JMJD1C: variants seen among roughly 807,000 people sequenced by gnomAD.
JMJD1C encodes the protein jumonji domain containing 1C.
JMJD1C carries 31 observed loss-of-function variants against 245.3 expected under a neutral mutation model. The ratio of observed to expected loss-of-function variants is 0.13; its 90% CI spans 0.09 to 0.17. The LOEUF is 0.17. JMJD1C is among the 10% of genes least tolerant of loss of function. JMJD1C has a pLI of 1.00. For missense variants in JMJD1C, 2,691 were observed against 3,000.2 expected (o/e 0.90, Z 2.41); for synonymous variants, 1,057 against 1,017.4 (o/e 1.04, Z -0.74).
intron 12 of JMJD1C, among the ~76,000 whole-genome samples, 157 bp downstream of exon 12, chr10:63,198,356 A>G (rs958913963): frequency 2.6e-5 from 4 of 152,262 alleles, no homozygotes; most frequent in Non-Finnish European, 5.9e-5. Context: ...TCTATAGGAA[A>G]GTATCTGTAA....
At chr10:63,386,370 C>G (rs929021933) in intron 1 of JMJD1C, among the ~76,000 whole-genome samples, 6 of 152,190 alleles carry the variant, frequency 3.9e-5, no homozygotes, top group Admixed American at 3.3e-4. Context: ...AGTAGCAGGG[C>G]TGCAACATGA....
chr10:63,191,156 G>C, intron 16 of JMJD1C, 48 bp from the exon 17 acceptor site: 10 of 1,459,182 alleles, frequency 6.9e-6, no homozygotes, highest in African/African-American at 1.4e-5. Flanking sequence ...TTTTGAGACG[G>C]AGTCTCATTC....
At chr10:63,516,831 T>G (rs181868831) in intron 1 of JMJD1C, among the ~76,000 whole-genome samples, 3 of 152,210 alleles carry the variant, frequency 2.0e-5, no homozygotes, top group Non-Finnish European at 4.4e-5. Flanking sequence ...CCTAATCTTT[T>G]TATTCTATTG....
intron 3 of JMJD1C, chr10:63,222,612 C>A: frequency 6.3e-7 from 1 of 1,595,988 alleles, no homozygotes; most frequent in Middle Eastern, 2.3e-4. Context: ...TGTCGAAACT[C>A]ACATGCTGAA....
rs542561773 is a variant in JMJD1C at position 63,383,403 on chromosome 10, T to C, written c.169-2921A>G. ...AGAAGCCAACAAAACAGCTGGCTAT[T>C]TCTAATAAAACCCATCGTTAAGGGT... On this transcript the variant is annotated intron_variant, in intron 1 of 25. Transcript: ENST00000399262. Among the ~76,000 whole-genome samples, 503 of 152,170 alleles carry C rather than the reference T, an allele frequency of 3.3e-3. 5 individuals are homozygous for C. Among genetic ancestry groups the C allele is most frequent in the Non-Finnish European group, 5.7e-3 (389 of 67,972 alleles).
At chr10:63,224,134 C>T (rs1276789653) in intron 3 of JMJD1C, among the ~76,000 whole-genome samples, 1 of 152,086 alleles carries the variant, frequency 6.6e-6, no homozygotes, top group Non-Finnish European at 1.5e-5. Context: ...AACAATAAAC[C>T]ATTAATTATC....
At chr10:63,413,707 A>G (rs1386599141) in intron 1 of JMJD1C, among the ~76,000 whole-genome samples, 3 of 151,894 alleles carry the variant, frequency 2.0e-5, no homozygotes, top group Non-Finnish European at 2.9e-5. Context: ...AATAAAGCAA[A>G]TATTTTAACT....
In JMJD1C at chr10:63,168,550, C is replaced by A; in HGVS notation, c.7418G>T (p.Ser2473Ile). 1 of 1,596,138 alleles carries A rather than the reference C, an allele frequency of 6.3e-7. No homozygotes were observed. The highest frequency in any genetic ancestry group is 8.5e-7 in the Non-Finnish European group (1 of 1,173,498). ...AAAATCTTCAGTTACCTGAATACAG[C>A]TGTGAAAATTCTGAACCTATCCCCA... is the stretch of plus-strand genomic sequence containing the variant. ...GALHQVQNFH[S>I]CIQVTEDFVS... The change falls in exon 25 of 26, where the codon AGC becomes ATC. Residue 2473 changes from serine to isoleucine, a missense_variant. By Grantham distance (142) the Ser-to-Ile change is moderately radical. Transcript: ENST00000399262.
At chr10:63,246,409 A>G (rs1170970262) in intron 3 of JMJD1C, among the ~76,000 whole-genome samples, 2 of 152,118 alleles carry the variant, frequency 1.3e-5, no homozygotes, top group Non-Finnish European at 2.9e-5. Flanking sequence ...GAGGGCGACA[A>G]CATTTTCAAA....
chr10:63,284,367 T>G (rs142982112), intron 2 of JMJD1C, among the ~76,000 whole-genome samples: 1 of 152,120 alleles, frequency 6.6e-6, no homozygotes, highest in Non-Finnish European at 1.5e-5. Flanking sequence ...GTGAATTAGA[T>G]TGAGCTTTGT....
chr10:63,277,218 A>G (rs1381018391), intron 2 of JMJD1C, among the ~76,000 whole-genome samples: 7 of 150,736 alleles, frequency 4.6e-5, no homozygotes, highest in South Asian at 2.1e-4. Context: ...TTTTTAATCA[A>G]TGTTGACCAG....
chr10:63,410,138 A>T (rs1287987494), intron 1 of JMJD1C, among the ~76,000 whole-genome samples: 1 of 152,216 alleles, frequency 6.6e-6, no homozygotes, highest in Non-Finnish European at 1.5e-5. Context: ...ACTAACGACA[A>T]GCAGACCCTA....
intron 16 of JMJD1C, among the ~76,000 whole-genome samples, chr10:63,192,546 C>A (rs1479270625): frequency 6.6e-6 from 1 of 152,088 alleles, no homozygotes; most frequent in Non-Finnish European, 1.5e-5. Context: ...CTAGACTGGG[C>A]AACAAGAGCA....
chr10:63,399,664 T>C (rs988334199), intron 1 of JMJD1C, among the ~76,000 whole-genome samples: 2 of 152,150 alleles, frequency 1.3e-5, no homozygotes, highest in Admixed American at 6.6e-5. Context: ...TACAAAGGTA[T>C]AACCCCCAGG....
At chr10:63,341,329 T>C (rs1374955099) in intron 2 of JMJD1C, among the ~76,000 whole-genome samples, 2 of 152,230 alleles carry the variant, frequency 1.3e-5, no homozygotes, top group African/African-American at 4.8e-5. Flanking sequence ...AGAACAAATC[T>C]ATAATACTGA....
chr10:63,392,699 C>T (rs549966211), intron 1 of JMJD1C, among the ~76,000 whole-genome samples: 2 of 151,736 alleles, frequency 1.3e-5, no homozygotes, highest in Admixed American at 6.6e-5. Flanking sequence ...GTGGCATGCA[C>T]CTGTAATCCC....
chr10:63,501,695 G>C (rs1046891068), intron 1 of JMJD1C, among the ~76,000 whole-genome samples: 8 of 152,042 alleles, frequency 5.3e-5, no homozygotes, highest in Middle Eastern at 3.2e-3. Flanking sequence ...AGAATGGTGT[G>C]AACCCAGGAG....
intron 2 of JMJD1C, among the ~76,000 whole-genome samples, chr10:63,336,068 C>T (rs879853920): frequency 1.6e-4 from 25 of 151,928 alleles, no homozygotes; most frequent in African/African-American, 3.1e-4. Flanking sequence ...CTGCGGTGAG[C>T]GGAGATCGCA....
chr10:63,326,943 T>C (rs1265623879), intron 2 of JMJD1C, among the ~76,000 whole-genome samples: 2 of 152,130 alleles, frequency 1.3e-5, no homozygotes, highest in Non-Finnish European at 2.9e-5. Flanking sequence ...TCCCAGCAGT[T>C]TGGGAGACCG....
Sources: gnomAD v4.1 joint callset for allele counts (sites outside exome capture counted in the v4.1 genomes callset) on GRCh38, gnomAD v4.1.1 for gene constraint, MANE v1.5 for transcripts, NCBI Gene and HGNC (gene_info 2026-07-23, HGNC 2026-07-21) for gene names.